The following HUWE1 variants were observed in gnomAD, a reference collection of about 807,000 sequenced individuals.
HUWE1 encodes the protein HECT, UBA and WWE domain containing E3 ubiquitin protein ligase 1, also known as E3 ubiquitin-protein ligase HUWE1.
A neutral mutation model predicts 299.4 loss-of-function variants in HUWE1; 18 were observed. The ratio of observed to expected loss-of-function variants is 0.06; its 90% CI spans 0.04 to 0.09. The LOEUF is 0.09. Among genes scored for constraint, HUWE1 ranks in the 10% least tolerant of loss-of-function variants. HUWE1 has a pLI of 1.00. For missense variants in HUWE1, 1,832 were observed against 3,462.3 expected (o/e 0.53, Z 11.82); for synonymous variants, 1,317 against 1,286.1 (o/e 1.02, Z -0.51).
At chrX:53,624,909 T>G (rs2066385678) in intron 18 of HUWE1, among the ~76,000 whole-genome samples, 1 of 111,277 alleles carries the variant, frequency 9.0e-6, no homozygotes, top group South Asian at 3.8e-4. Flanking sequence ...CAGAAAGGGG[T>G]AATAAGACGG....
At chrX:53,589,837 G>A in intron 35 of HUWE1, 21 bp from the exon 36 acceptor site, 1 of 1,192,440 alleles carries the variant, frequency 8.4e-7, no homozygotes, top group South Asian at 1.8e-5. Flanking sequence ...GGAAGGAAGT[G>A]TGAATAATAC....
At chrX:53,545,521 T>A (rs1229432499) in intron 70 of HUWE1, among the ~76,000 whole-genome samples, 1 of 111,597 alleles carries the variant, frequency 9.0e-6, no homozygotes, top group African/African-American at 3.3e-5. Context: ...CTTACCCAAT[T>A]TGCTAACCAA....
rs142574684 is a variant in HUWE1, at chrX:53,552,701, G to A, written c.8687C>T (p.Ala2896Val). ...ACTCCTGCCTTGCACTTCCGCCACA[G>A]CTGGTGGGGCATCCCCAGGAGTGGA... ...GSSTPGDAPP[A>V]VAEVQGRSDG... The change falls in exon 62 of 84, where the codon GCT (alanine) becomes GTT (valine). Residue 2896 changes from alanine to valine, a missense_variant. Transcript: ENST00000262854. The A allele has an allele frequency of 3.9e-5, 47 of 1,210,338 alleles. No individual in the cohort carries two copies. In the African/African-American group the frequency reaches 7.3e-4, roughly 19 times the overall value.
chrX:53,555,001 C>T lies in HUWE1; in HGVS notation c.8207-81G>A. The stretch of plus-strand genomic sequence containing the variant: ...GAGCCACCCCAATCAGCAAATGTGG[C>T]CTGATAAGTATCCCACCCAGCCAGT... On this transcript the variant is annotated intron_variant, in intron 60 of 83. Transcript: ENST00000262854. 6.6e-6 allele frequency: 5 copies of T among 761,761 alleles called. No homozygotes were observed. In the South Asian group the frequency reaches 1.3e-4, roughly 19 times the overall value. The allele number at this position is 761,761 out of a possible 1,213,427, so 62.8% of individuals were successfully genotyped here. A position where few individuals can be genotyped will look rare whatever the true frequency, so the allele number is the denominator to read the frequency against.
Position 53,548,061 on chromosome X carries a change from G to A in HUWE1, c.10248C>T (p.Gly3416=), listed in dbSNP as rs782197646. 22 of 1,207,672 alleles carry A rather than the reference G, an allele frequency of 1.8e-5. No individual in the cohort carries two copies. The highest frequency in any genetic ancestry group is 2.2e-5 in the Admixed American group (1 of 45,615). Reference sequence around the variant, plus strand: ...TGTATGGAGAGGTTTCCCCCTCACCGCCAGCGCTCACTGGCACTGACTTCA... The same window carrying A: ...TGTATGGAGAGGTTTCCCCCTCACCACCAGCGCTCACTGGCACTGACTTCA... ...NSVKSVPVSA[G]GEGETSPYSL... is the part of the protein sequence containing the mutation. The change falls in exon 68 of 84, where the codon GGC becomes GGT. Residue 3416 remains glycine, a synonymous_variant. Coordinates refer to ENST00000262854, the MANE Select transcript of HUWE1 (RefSeq NM_031407.7).
Position 53,580,710 on chromosome X carries a change from C to T in HUWE1, c.5716+121G>A, listed in dbSNP as rs1556966321. ...TTGACCCAAACAATCAATTAGCCAG[C>T]AAATGTCCTAATACTTGCCTAAGGA... is the stretch of plus-strand genomic sequence containing the variant. On this transcript the variant is annotated intron_variant, in intron 43 of 83. Coordinates refer to ENST00000262854, the MANE Select transcript of HUWE1 (RefSeq NM_031407.7). 4 of 663,138 alleles carry T rather than the reference C, an allele frequency of 6.0e-6. No homozygotes were observed. The African/African-American group carries it at 8.8e-5, about 15-fold the overall frequency. The allele number at this position is 663,138 out of a possible 1,213,427, so 54.7% of individuals were successfully genotyped here. A position where few individuals can be genotyped will look rare whatever the true frequency, so the allele number is the denominator to read the frequency against.
At chrX:53,618,438 T>C (rs1557009491) in intron 19 of HUWE1, among the ~76,000 whole-genome samples, 2 of 111,052 alleles carry the variant, frequency 1.8e-5, no homozygotes, top group African/African-American at 6.5e-5. Context: ...GAGATTTAAC[T>C]AGATACAGAA....
Position 53,558,822 on chromosome X carries a change from G to A in HUWE1, c.8006-13C>T. On this transcript the variant is annotated splice_polypyrimidine_tract_variant and intron_variant, in intron 58 of 83. Coordinates refer to ENST00000262854, the MANE Select transcript of HUWE1 (RefSeq NM_031407.7). Reference sequence around the variant, plus strand: ...GACACTTTAACCACTGTTTCAAAGAGGCAAAAATCAAAGGCTGCTCTGGTG... The same window carrying A: ...GACACTTTAACCACTGTTTCAAAGAAGCAAAAATCAAAGGCTGCTCTGGTG... 5.8e-6 allele frequency: 7 copies of A among 1,211,231 alleles called. No individual in the cohort carries two copies. Among genetic ancestry groups the A allele is most frequent in the South Asian group, 1.8e-5 (1 of 56,946 alleles).
chrX:53,588,762 C>A (rs896879778), intron 36 of HUWE1, among the ~76,000 whole-genome samples: 4 of 111,704 alleles, frequency 3.6e-5, no homozygotes, highest in African/African-American at 1.3e-4. Flanking sequence ...CTATAAGCAG[C>A]CTAAAATCTA....
chrX:53,684,389 C>T (rs782456300), intron 2 of HUWE1, among the ~76,000 whole-genome samples: 3 of 112,054 alleles, frequency 2.7e-5, no homozygotes, highest in Non-Finnish European at 3.8e-5. Context: ...GGAACCCTCC[C>T]GTCCTGCAGG....
intron 4 of HUWE1, 75 bp downstream of exon 4, chrX:53,653,988 G>T: frequency 2.8e-6 from 2 of 712,770 alleles, no homozygotes; most frequent in Non-Finnish European, 2.2e-6. Context: ...TGAAGAGCAT[G>T]GATGAACTGT....
In HUWE1 at chrX:53,593,388, C is replaced by T. The variant is rs782126717; in HGVS notation, c.3717G>A (p.Leu1239=). 6 of 1,198,444 alleles carry T rather than the reference C, an allele frequency of 5.0e-6. No homozygotes were observed. In the African/African-American group the frequency reaches 1.1e-4, roughly 21 times the overall value. Residue 1239 remains leucine (L), a synonymous_variant, in exon 32 of 84, where the codon CTG becomes CTA. Transcript: ENST00000262854. The stretch of plus-strand genomic sequence containing the variant: ...CTTTCTGAGTTACCACAAGGAAGCG[C>T]AGTGCACTGAACTGGGGAAAGTTCT... ...GVQNFPQFSA[L]RFLVVTQKAA...
chrX:53,602,630 C>G lies in HUWE1; in HGVS notation c.2905G>C (p.Ala969Pro). ...TTTGGAACCAGTTTCTGCATATCTG[C>G]CTGGCCAAATTCACACCCAGATGGT... Reference protein sequence around the residue: ...SLPSGCEFGQADMQKLVPKDE... With the variant: ...SLPSGCEFGQPDMQKLVPKDE... The change falls in exon 28 of 84, where the codon GCA becomes CCA. Residue 969 changes from alanine (A) to proline (P), a missense_variant. Coordinates refer to ENST00000262854, the MANE Select transcript of HUWE1 (RefSeq NM_031407.7). 1 of 1,186,794 alleles carries G rather than the reference C, an allele frequency of 8.4e-7. No individual in the cohort carries two copies. Among genetic ancestry groups the G allele is most frequent in the Non-Finnish European group, 1.1e-6 (1 of 874,483 alleles).
In HUWE1 at chrX:53,554,367, AAAT is replaced by A. The variant is rs781923754; in HGVS notation, c.8494+263_8494+265del. Among the ~76,000 whole-genome samples, 258 of 110,408 alleles carry A rather than the reference AAAT, an allele frequency of 2.3e-3. 2 individuals carry two copies. Among genetic ancestry groups the A allele is most frequent in the Middle Eastern group, 9.4e-3 (2 of 212 alleles). ...CATACCCAGCTGGAGAGTTGTTTTT[AAAT>A]AATAAGCCTGGGGTGATAGCCCAGA... On this transcript the variant is annotated intron_variant, in intron 61 of 83. Transcript: ENST00000262854.
chrX:53,645,775 A>G (rs1179628556), intron 6 of HUWE1, among the ~76,000 whole-genome samples: 12 of 88,033 alleles, frequency 1.4e-4, no homozygotes, highest in Non-Finnish European at 2.4e-4. Context: ...ATATATATAT[A>G]TGTATTTGAT....
rs1418006739 is a variant in HUWE1 at position 53,577,123 on chromosome X, G to A, written c.5717-56C>T. 49 of 934,099 alleles carry A rather than the reference G, an allele frequency of 5.2e-5. 1 individual carries two copies. Among genetic ancestry groups the A allele is most frequent in the Admixed American group, 2.2e-5 (1 of 45,270 alleles). 77.0% of individuals were successfully genotyped at this position (934,099 alleles called of 1,213,427 possible). ...AATCATGAAGCAGTACCTAAACTAG[G>A]TTACTAATAAAGACTCAGAAGGGGG... On this transcript the variant is annotated intron_variant, in intron 43 of 83. Transcript: ENST00000262854.
chrX:53,584,269 T>C lies in HUWE1; in HGVS notation c.5078A>G (p.Lys1693Arg). ...CTCTAGTTCCTGTCCATTGCTGTTT[T>C]TTGAATTTTTATTCAGCCGAGGTAC... ...LRVPRLNKNSKNSNGQELEKT... is the reference protein window; with the variant it reads ...LRVPRLNKNSRNSNGQELEKT... The change falls in exon 41 of 84, where the codon AAA (lysine) becomes AGA (arginine). Residue 1693 changes from lysine to arginine, a missense_variant. Coordinates refer to ENST00000262854, the MANE Select transcript of HUWE1 (RefSeq NM_031407.7). The C allele has an allele frequency of 8.3e-7, 1 of 1,207,565 alleles. No homozygotes were observed. The highest frequency in any genetic ancestry group is 1.1e-6 in the Non-Finnish European group (1 of 891,614).
chrX:53,615,258 T>C (rs1174507195), intron 22 of HUWE1, among the ~76,000 whole-genome samples: 1 of 110,497 alleles, frequency 9.1e-6, no homozygotes, highest in Non-Finnish European at 1.9e-5. Flanking sequence ...AAATACTTTT[T>C]TTTTTTTTGG....
In HUWE1 at chrX:53,533,091, T is replaced by C. The variant is rs1386587007; in HGVS notation, c.*218A>G. The C allele has an allele frequency of 9.5e-6, 4 of 422,712 alleles. No individual in the cohort carries two copies. Among genetic ancestry groups the C allele is most frequent in the Non-Finnish European group, 1.7e-5 (4 of 239,132 alleles). 34.8% of individuals were successfully genotyped at this position (422,712 alleles called of 1,213,427 possible). On this transcript the variant is annotated 3_prime_UTR_variant, in exon 84 of 84. Transcript: ENST00000262854. ...CATGGGGTGGGGATCATGGACGGCA[T>C]GGAAAGGGGAGAGAAGGTGAGGAAA...
Sources: gnomAD v4.1 joint callset for allele counts (sites outside exome capture counted in the v4.1 genomes callset) on GRCh38, gnomAD v4.1.1 for gene constraint, MANE v1.5 for transcripts, NCBI Gene and HGNC (gene_info 2026-07-23, HGNC 2026-07-21) for gene names.